Variants in GSG1L observed in about 807,000 individuals in gnomAD.
GSG1L encodes the protein GSG1 like.
GSG1L carries 24 observed loss-of-function variants against 42.1 expected under a neutral mutation model. The observed-to-expected ratio is 0.57, with a 90% confidence interval of 0.41 to 0.80. The LOEUF is 0.80. GSG1L is among the 30% of genes least tolerant of loss of function. The probability of loss-of-function intolerance (pLI) is 0.00; values close to 1 mark genes in which losing one functional copy is unlikely to be tolerated. For missense variants in GSG1L, 445 were observed against 472.2 expected, an observed-to-expected ratio of 0.94 and a Z score of 0.53; for synonymous variants, 215 against 203.5, an observed-to-expected ratio of 1.06 and a Z score of -0.48.
intron 2 of GSG1L, among the ~76,000 whole-genome samples, chr16:27,891,908 T>TTTTTTA (rs58956080): frequency 7.2e-6 from 1 of 138,836 alleles, no homozygotes; most frequent in Admixed American, 7.5e-5. Context: ...TTTTTTTTTT[T>TTTTTTA]AATGCAAGGG....
chr16:27,813,764 G>C (rs1263362242), intron 5 of GSG1L, among the ~76,000 whole-genome samples: 1 of 152,242 alleles, frequency 6.6e-6, no homozygotes, highest in African/African-American at 2.4e-5. Flanking sequence ...CCAATGGCGG[G>C]GCTCCCTGGC....
chr16:27,968,640 C>T (rs375139243), intron 1 of GSG1L, among the ~76,000 whole-genome samples: 35 of 152,268 alleles, frequency 2.3e-4, no homozygotes, highest in East Asian at 1.2e-3. Context: ...CTGGGCCCTC[C>T]GCTCTGTGCC....
chr16:27,881,323 C>A (rs2083952939), intron 3 of GSG1L, among the ~76,000 whole-genome samples: 2 of 145,342 alleles, frequency 1.4e-5, no homozygotes, highest in Admixed American at 7.3e-5. Context: ...TTCACTGCAA[C>A]CTCCACCTCC....
chr16:27,934,992 A>G (rs781294523), intron 2 of GSG1L, among the ~76,000 whole-genome samples: 11 of 152,232 alleles, frequency 7.2e-5, no homozygotes, highest in Non-Finnish European at 8.8e-5. Context: ...TCTTGTGAAG[A>G]GAACAAGACA....
At position 28,044,036 on chromosome 16, in the gene GSG1L, A is replaced by AC. The variant is rs577122358; in HGVS notation, c.349+19039_349+19040insG. On this transcript the variant is annotated intron_variant, in intron 1 of 6. Transcript: ENST00000447459. ...GATCCTGTCTGAAAAAAACAAACAAAAAAAAACTGTATTAAATAACAAAAA... is the reference window on the plus strand; with the variant it reads ...GATCCTGTCTGAAAAAAACAAACAAACAAAAAACTGTATTAAATAACAAAAA... Among the ~76,000 whole-genome samples the AC allele has an allele frequency of 3.1e-3, 465 of 152,292 alleles. 1 individual carries two copies. The highest frequency in any genetic ancestry group is 0.01 in the African/African-American group (432 of 41,546).
At chr16:28,008,954 A>G (rs540279072) in intron 1 of GSG1L, among the ~76,000 whole-genome samples, 2 of 152,024 alleles carry the variant, frequency 1.3e-5, no homozygotes, top group South Asian at 2.1e-4. Context: ...GATTACAGTT[A>G]CCCGCCACCA....
intron 6 of GSG1L, among the ~76,000 whole-genome samples, chr16:27,801,001 A>G (rs1167424306): frequency 6.6e-6 from 1 of 152,196 alleles, no homozygotes; most frequent in East Asian, 1.9e-4. Context: ...CAGATCAGGG[A>G]AGGCTTCTCG....
chr16:28,046,786 A>G (rs1432269932), intron 1 of GSG1L, among the ~76,000 whole-genome samples: 1 of 152,148 alleles, frequency 6.6e-6, no homozygotes, highest in African/African-American at 2.4e-5. Context: ...CCCTGCACAA[A>G]GCCTGCGCAA....
chr16:27,792,590 C>T (rs1031415274), intron 6 of GSG1L, among the ~76,000 whole-genome samples: 2 of 152,160 alleles, frequency 1.3e-5, no homozygotes, highest in Non-Finnish European at 2.9e-5. Context: ...AGTTTCAGCT[C>T]TCCAGGAAGC....
chr16:27,801,636 T>G (rs1331466222), intron 6 of GSG1L, among the ~76,000 whole-genome samples: 1 of 152,196 alleles, frequency 6.6e-6, no homozygotes, highest in African/African-American at 2.4e-5. Flanking sequence ...GCTGCTTCTC[T>G]AGACCATGAG....
At chr16:27,850,041 T>TG (rs1567485579) in intron 3 of GSG1L, among the ~76,000 whole-genome samples, 1 of 140,532 alleles carries the variant, frequency 7.1e-6, no homozygotes. Context: ...TTTTTTTTTT[T>TG]TTTTGAGATG....
intron 1 of GSG1L, among the ~76,000 whole-genome samples, chr16:28,016,339 T>C (rs887357222): frequency 7.2e-5 from 11 of 152,200 alleles, no homozygotes; most frequent in African/African-American, 2.7e-4. Flanking sequence ...TAGAAGCAAA[T>C]GTCCTCCTGG....
chr16:27,915,365 T>G (rs1339399431), intron 2 of GSG1L, among the ~76,000 whole-genome samples: 2 of 152,234 alleles, frequency 1.3e-5, no homozygotes, highest in East Asian at 3.9e-4. Context: ...AAAGAAATAT[T>G]TGAAAGCAAA....
intron 3 of GSG1L, among the ~76,000 whole-genome samples, chr16:27,867,349 T>A (rs2083741297): frequency 6.6e-6 from 1 of 152,198 alleles, no homozygotes; most frequent in Admixed American, 6.5e-5. Context: ...CTCCTTCTCC[T>A]CATCTCTAAA....
intron 3 of GSG1L, among the ~76,000 whole-genome samples, chr16:27,881,238 C>CTTTTTTTT (rs149874320): frequency 9.3e-5 from 10 of 106,980 alleles, no homozygotes; most frequent in African/African-American, 1.4e-4. Flanking sequence ...AAGTATCATA[C>CTTTTTTTT]TTTTTTTTTT....
intron 5 of GSG1L, among the ~76,000 whole-genome samples, chr16:27,813,037 C>T (rs553102783): frequency 9.2e-5 from 14 of 152,160 alleles, no homozygotes; most frequent in Non-Finnish European, 1.0e-4. Flanking sequence ...GCCTTGGCCT[C>T]CCAAAGTGCT....
intron 4 of GSG1L, among the ~76,000 whole-genome samples, chr16:27,843,771 T>G (rs1216246404): frequency 1.3e-5 from 2 of 152,196 alleles, no homozygotes; most frequent in Non-Finnish European, 2.9e-5. Flanking sequence ...ACTCATTCTT[T>G]GCTCCAGAGG....
intron 2 of GSG1L, among the ~76,000 whole-genome samples, chr16:27,938,763 T>C (rs1318301474): frequency 6.6e-6 from 1 of 152,178 alleles, no homozygotes; most frequent in Non-Finnish European, 1.5e-5. Context: ...TCTGAAAGCA[T>C]GGTGGTAGGA....
chr16:27,946,599 G>A (rs71377615), intron 2 of GSG1L, among the ~76,000 whole-genome samples: 30 of 8,000 alleles, frequency 3.7e-3, no homozygotes, highest in African/African-American at 9.8e-3. Context: ...GAGAGAGAGA[G>A]AGAGAGAGAG....
Sources: allele counts gnomAD v4.1 joint callset (sites outside exome capture counted in the v4.1 genomes callset), GRCh38; gene constraint gnomAD v4.1.1; transcripts MANE v1.5; gene names NCBI Gene and HGNC (gene_info 2026-07-23, HGNC 2026-07-21).